Variants in VRTN observed in about 807,000 individuals in gnomAD.
VRTN encodes vertnin.
Under a neutral mutation model 18.2 loss-of-function variants are expected in VRTN, and 5 were observed. That is an observed-to-expected ratio of 0.27 (90% CI 0.14 to 0.58). VRTN has a LOEUF of 0.58. Among genes scored for constraint, VRTN ranks in the 20% least tolerant of loss-of-function variants. The pLI, the probability that VRTN is intolerant of heterozygous loss-of-function variation, is 0.91. For missense variants in VRTN, 741 were observed against 939.4 expected (o/e 0.79, Z 2.76); for synonymous variants, 381 against 393.7 (o/e 0.97, Z 0.38).
chr14:74,332,518 C>G (rs535429707), intron 1 of VRTN, among the ~76,000 whole-genome samples: 122 of 151,788 alleles, frequency 8.0e-4, no homozygotes, highest in Admixed American at 1.6e-3. Flanking sequence ...CCTTGCCCGG[C>G]TAATTTTTTT....
Position 74,359,527 on chromosome 14 carries a change from AAAAAG to A in VRTN, c.*639_*643del, listed in dbSNP as rs2085765223. 2 of 166,974 alleles carry A rather than the reference AAAAAG, an allele frequency of 1.2e-5. No homozygotes were observed. Among genetic ancestry groups the A allele is most frequent in the African/African-American group, 4.8e-5 (2 of 41,420 alleles). 10.3% of individuals were successfully genotyped at this position (166,974 alleles called of 1,614,324 possible). A position where few individuals can be genotyped will look rare whatever the true frequency, so the allele number is the denominator to read the frequency against. On this transcript the variant is annotated 3_prime_UTR_variant, in exon 2 of 2. Transcript: ENST00000256362. ...GTGAGACCTCATCTCTTAGAAAAAA[AAAAAG>A]AAAGAAAATCAAATGTAGAGCTGAT...
At chr14:74,320,484 G>A (rs565078027) in intron 1 of VRTN, among the ~76,000 whole-genome samples, 8 of 144,724 alleles carry the variant, frequency 5.5e-5, no homozygotes, top group South Asian at 2.2e-4. Context: ...GGATGGTCTC[G>A]ATCTCCTGAC....
intron 1 of VRTN, among the ~76,000 whole-genome samples, chr14:74,322,299 A>C (rs554074588): frequency 6.6e-6 from 1 of 152,018 alleles, no homozygotes; most frequent in East Asian, 1.9e-4. Context: ...ACAGGAGTGC[A>C]CCATCAGGTC....
chr14:74,348,082 C>A (rs2085655425), upstream of VRTN, among the ~76,000 whole-genome samples: 2 of 152,238 alleles, frequency 1.3e-5, no homozygotes, highest in South Asian at 4.1e-4. Flanking sequence ...GTTCAGAGAG[C>A]CTCAAGGTAT....
intron 1 of VRTN, among the ~76,000 whole-genome samples, chr14:74,323,033 T>C (rs1289844363): frequency 6.6e-6 from 1 of 152,062 alleles, no homozygotes; most frequent in Admixed American, 6.6e-5. Flanking sequence ...CTCGGGAGGC[T>C]GAGGCAGGAG....
rs146996520 is a variant in VRTN at position 74,358,633 on chromosome 14, G to C, written c.1850G>C (p.Gly617Ala). 929 of 1,607,718 alleles carry C rather than the reference G, an allele frequency of 5.8e-4. 13 individuals carry two copies. In the South Asian group the frequency reaches 9.2e-3, roughly 16 times the overall value. Residue 617 changes from glycine (G) to alanine (A), a missense_variant, in exon 2 of 2, where the codon GGC becomes GCC. By Grantham distance (60) the Gly-to-Ala change is moderately conservative (BLOSUM62 0). Around this residue, in one of 3 missense-constraint regions of VRTN, gnomAD observed 494 missense variants for 546.5 expected, o/e 0.90. Transcript: ENST00000256362. The surrounding 1 kb of genome is among the most constrained non-coding windows in gnomAD (Gnocchi z 5.4). Reference sequence around the variant, plus strand: ...CTGCAGGAGGGGGCCACAGCCCAGGGCCAGCCCCACAGTGGGCCCTTGCTG... The same window carrying C: ...CTGCAGGAGGGGGCCACAGCCCAGGCCCAGCCCCACAGTGGGCCCTTGCTG... ...GALQEGATAQ[G>A]QPHSGPLLSQ...
upstream of VRTN, among the ~76,000 whole-genome samples, chr14:74,346,355 G>A (rs2085644512): frequency 6.6e-6 from 1 of 152,100 alleles, no homozygotes; most frequent in South Asian, 2.1e-4. Flanking sequence ...GGACTGGCAG[G>A]TTTAGTGAGG....
At chr14:74,330,440 A>C (rs1459869057) in intron 1 of VRTN, among the ~76,000 whole-genome samples, 1 of 114,770 alleles carries the variant, frequency 8.7e-6, no homozygotes, top group Non-Finnish European at 1.7e-5. Flanking sequence ...GCAGTATCAA[A>C]CTTTTTTTTT....
intron 1 of VRTN, among the ~76,000 whole-genome samples, chr14:74,307,020 G>C (rs538772321): frequency 6.6e-6 from 1 of 151,706 alleles, no homozygotes; most frequent in Non-Finnish European, 1.5e-5. Context: ...TTGTTTTAAT[G>C]TGCATTATTT....
At chr14:74,332,830 G>A (rs577461811) in intron 1 of VRTN, among the ~76,000 whole-genome samples, 37 of 152,296 alleles carry the variant, frequency 2.4e-4, no homozygotes, top group African/African-American at 8.4e-4. Context: ...TGCAGAGACT[G>A]TCATGCATCT....
At chr14:74,306,172 ATTTTTT>A (rs869043692) in intron 1 of VRTN, 3 of 75,640 alleles carry the variant, frequency 4.0e-5, no homozygotes, top group Non-Finnish European at 5.4e-5. Flanking sequence ...ATATATATAT[ATTTTTT>A]TTTTTTTTTT....
At chr14:74,333,628 T>A (rs567043465) in intron 1 of VRTN, among the ~76,000 whole-genome samples, 90 of 152,046 alleles carry the variant, frequency 5.9e-4, no homozygotes, top group African/African-American at 2.1e-3. Flanking sequence ...TCACCTGAGG[T>A]CAGGAGTTCA....
intron 1 of VRTN, among the ~76,000 whole-genome samples, chr14:74,310,156 T>C (rs8023118): frequency 0.97 from 147,283 of 152,186 alleles, 71,313 homozygotes; most frequent in East Asian, 1. Context: ...CCAGCACTTT[T>C]GGAGGCTGAG....
upstream of VRTN, among the ~76,000 whole-genome samples, chr14:74,347,294 C>T (rs1212874484): frequency 1.3e-5 from 2 of 152,252 alleles, no homozygotes; most frequent in Non-Finnish European, 2.9e-5. Flanking sequence ...AAGACACCCG[C>T]TAAGCCACAG....
At chr14:74,327,194 C>T (rs1015654643) in intron 1 of VRTN, among the ~76,000 whole-genome samples, 1 of 152,180 alleles carries the variant, frequency 6.6e-6, no homozygotes. Flanking sequence ...TCTGTTTCCT[C>T]ATTTAATCCT....
Position 74,313,829 on chromosome 14 carries a change from A to G in VRTN, c.-164+10653A>G, listed in dbSNP as rs114173630. Among the ~76,000 whole-genome samples the G allele has an allele frequency of 8.2e-3, 1,245 of 152,314 alleles. 10 individuals are homozygous for G. Among genetic ancestry groups the G allele is most frequent in the African/African-American group, 0.028 (1,182 of 41,570 alleles). On this transcript the variant is annotated intron_variant, in intron 1 of 2. Coordinates refer to the VRTN transcript ENST00000557177. The stretch of plus-strand genomic sequence containing the variant: ...GACCTCATTGCTACAAAACAAAAAC[A>G]AAAATTAGCTGGGTGTGGTGGTGCA...
At chr14:74,346,078 A>G (rs1241488960), upstream of VRTN, among the ~76,000 whole-genome samples, 1 of 151,960 alleles carries the variant, frequency 6.6e-6, no homozygotes, top group Non-Finnish European at 1.5e-5. Context: ...CTAAGGCAGG[A>G]GGATTTGAGC....
In VRTN at chr14:74,315,167, G is replaced by T. The variant is rs111695434; in HGVS notation, c.-164+11991G>T. Among the ~76,000 whole-genome samples the T allele has an allele frequency of 9.4e-3, 1,437 of 152,252 alleles. 18 individuals are homozygous for T. The highest frequency in any genetic ancestry group is 0.033 in the African/African-American group (1,373 of 41,540). Reference sequence around the variant, plus strand: ...GCATGCCAAAGTGCCATACTTTGGGGTATTGTTTTCTGAGCCCCAACAGTA... The same window carrying T: ...GCATGCCAAAGTGCCATACTTTGGGTTATTGTTTTCTGAGCCCCAACAGTA... On this transcript the variant is annotated intron_variant, in intron 1 of 2. Coordinates refer to the VRTN transcript ENST00000557177.
chr14:74,358,595 C>T lies in VRTN; in HGVS notation c.1812C>T (p.Ser604=). 1.9e-6 allele frequency: 3 copies of T among 1,600,270 alleles called. No individual in the cohort carries two copies. The South Asian group carries it at 3.4e-5, about 18-fold the overall frequency. The change falls in exon 2 of 2, where the codon TCC becomes TCT. Residue 604 remains serine, a synonymous_variant. Transcript: ENST00000256362. This position sits in a 1 kb window ranked among gnomAD's most constrained non-coding sequence, Gnocchi z 5.4. Reference sequence around the variant, plus strand: ...CAGAAGATGTAGAGGGAGGGCCTTCCAGAGAGGGGGCCCTGCAGGAGGGGG... The same window carrying T: ...CAGAAGATGTAGAGGGAGGGCCTTCTAGAGAGGGGGCCCTGCAGGAGGGGG... ...ASSEDVEGGP[S]REGALQEGAT... is the part of the protein sequence containing the mutation.
Sources: gnomAD v4.1 joint callset for allele counts (sites outside exome capture counted in the v4.1 genomes callset) on GRCh38, gnomAD v4.1.1 for gene constraint, gnomAD v4.1.1 regional missense constraint, Gnocchi (gnomAD v3.1) non-coding constraint, MANE v1.5 for transcripts, NCBI Gene and HGNC (gene_info 2026-07-23, HGNC 2026-07-21) for gene names.